The following DNAI4 variants were observed in gnomAD, a reference collection of about 807,000 sequenced individuals.
DNAI4 encodes the protein dynein axonemal intermediate chain 4, also known as WD repeat domain 78.
Under a neutral mutation model 105.8 loss-of-function variants are expected in DNAI4, and 85 were observed. That is an observed-to-expected ratio of 0.80 (90% CI 0.67 to 0.96). DNAI4 has a LOEUF of 0.96. DNAI4 is among the 40% of genes least tolerant of loss of function. The pLI, the probability that DNAI4 is intolerant of heterozygous loss-of-function variation, is 0.00. For synonymous variants in DNAI4, 352 were observed against 331.5 expected (o/e 1.06, Z -0.67); for missense variants, 1,014 against 1,005.6 (o/e 1.01, Z -0.11).
chr1:66,866,519 T>C (rs908137580), intron 6 of DNAI4, among the ~76,000 whole-genome samples: 1 of 152,186 alleles, frequency 6.6e-6, no homozygotes, highest in East Asian at 1.9e-4. Flanking sequence ...AATCCTAGGC[T>C]ATCTAGTCAT....
At chr1:66,873,007 C>A (rs1238624423) in intron 5 of DNAI4, among the ~76,000 whole-genome samples, 1 of 152,138 alleles carries the variant, frequency 6.6e-6, no homozygotes, top group African/African-American at 2.4e-5. Context: ...GCTACCACAC[C>A]CGGCCTGACA....
At chr1:66,855,833 AGTTGTT>A (rs754276878) in intron 7 of DNAI4, among the ~76,000 whole-genome samples, 1 of 151,962 alleles carries the variant, frequency 6.6e-6, no homozygotes, top group African/African-American at 2.4e-5. Flanking sequence ...GGTTTGTTGC[AGTTGTT>A]GTTGTTGTTT....
chr1:66,896,631 T>G (rs1229204417), intron 2 of DNAI4, among the ~76,000 whole-genome samples: 6 of 152,054 alleles, frequency 3.9e-5, no homozygotes, highest in African/African-American at 1.4e-4. Flanking sequence ...AAGGGAGTGG[T>G]TTAGTCATCA....
intron 1 of DNAI4, among the ~76,000 whole-genome samples, chr1:66,921,806 A>T (rs1275023776): frequency 1.3e-5 from 2 of 152,186 alleles, no homozygotes; most frequent in Non-Finnish European, 2.9e-5. Context: ...TGGATACAGT[A>T]GTGAACAAAA....
At position 66,890,864 on chromosome 1, in the gene DNAI4, G is replaced by GA; in HGVS notation, c.643+289dup. Reference sequence around the variant, plus strand: ...AAAGGAAGAGGAAGAAGAAGAGGAAGAGGAAGAAGAAGAAGAAGAAGCAGA... The same window carrying GA: ...AAAGGAAGAGGAAGAAGAAGAGGAAGAAGGAAGAAGAAGAAGAAGAAGCAGA... On this transcript the variant is annotated intron_variant, in intron 4 of 16. Transcript: ENST00000371026. This position sits in a 1 kb window ranked among gnomAD's most constrained non-coding sequence, Gnocchi z 4.1. The GA allele has an allele frequency of 4.6e-6, 2 of 431,522 alleles. No homozygotes were observed. Among genetic ancestry groups the GA allele is most frequent in the African/African-American group, 4.4e-5 (2 of 45,488 alleles). 26.7% of individuals were successfully genotyped at this position (431,522 alleles called of 1,614,324 possible). A position where few individuals can be genotyped will look rare whatever the true frequency, so the allele number is the denominator to read the frequency against.
chr1:66,862,886 T>A (rs993084746), intron 6 of DNAI4, among the ~76,000 whole-genome samples: 4 of 152,232 alleles, frequency 2.6e-5, no homozygotes, highest in Admixed American at 2.6e-4. Context: ...GACTTTTATG[T>A]TCCTTTACTT....
intron 7 of DNAI4, among the ~76,000 whole-genome samples, chr1:66,851,439 C>A (rs942720189): frequency 5.9e-5 from 9 of 151,736 alleles, no homozygotes; most frequent in African/African-American, 2.2e-4. Context: ...TCAACAACAT[C>A]ATCAACTAAA....
chr1:66,879,638 C>T (rs1232579061), intron 4 of DNAI4, among the ~76,000 whole-genome samples: 1 of 152,204 alleles, frequency 6.6e-6, no homozygotes, highest in Non-Finnish European at 1.5e-5. Context: ...TACCATTGTG[C>T]ATCCCCACCA....
chr1:66,869,317 G>T (rs1206274626), intron 6 of DNAI4, among the ~76,000 whole-genome samples: 1 of 151,666 alleles, frequency 6.6e-6, no homozygotes, highest in Non-Finnish European at 1.5e-5. Context: ...ACTTCTTGGG[G>T]AGTGTTGATA....
At chr1:66,900,433 T>C (rs1275171232) in intron 2 of DNAI4, among the ~76,000 whole-genome samples, 3 of 152,166 alleles carry the variant, frequency 2.0e-5, no homozygotes, top group South Asian at 4.1e-4. Flanking sequence ...TGTCAGTTTG[T>C]AGAAAGAAGT....
At chr1:66,923,434 T>A (rs908207327) in intron 1 of DNAI4, among the ~76,000 whole-genome samples, 1 of 152,182 alleles carries the variant, frequency 6.6e-6, no homozygotes, top group Non-Finnish European at 1.5e-5. Context: ...TGTATTTAGT[T>A]ATGGTAGTGA....
intron 2 of DNAI4, among the ~76,000 whole-genome samples, chr1:66,897,666 C>A (rs1410706038): frequency 1.3e-5 from 2 of 152,140 alleles, no homozygotes; most frequent in African/African-American, 2.4e-5. Context: ...GTCAGCCACC[C>A]CAGCTGTGGC....
Position 66,924,688 on chromosome 1 carries a change from G to A in DNAI4, c.144C>T (p.Gly48=). The part of the protein sequence containing the change: ...LVATMPVSPA[G]SHKQQNFGLN... ...ACCCGAAGTTCTGCTGCTTGTGACT[G>A]CCTGCCGGAGAGACTGGCATGGTGG... Residue 48 remains glycine (G), a synonymous_variant, in exon 1 of 17, where the codon GGC becomes GGT. Transcript: ENST00000371026. The A allele has an allele frequency of 6.2e-7, 1 of 1,614,238 alleles. No individual in the cohort carries two copies. The highest frequency in any genetic ancestry group is 8.5e-7 in the Non-Finnish European group (1 of 1,180,054).
intron 2 of DNAI4, 109 bp from the exon 3 acceptor site, chr1:66,893,522 C>G: frequency 1.5e-6 from 1 of 675,300 alleles, no homozygotes; most frequent in Non-Finnish European, 2.2e-6. Context: ...TAGTATAATG[C>G]TCCTATAATA....
chr1:66,897,993 C>A (rs976097340), intron 2 of DNAI4, among the ~76,000 whole-genome samples: 1 of 152,166 alleles, frequency 6.6e-6, no homozygotes, highest in African/African-American at 2.4e-5. Flanking sequence ...ATACTGTAGA[C>A]TGACCCCAGC....
intron 1 of DNAI4, among the ~76,000 whole-genome samples, chr1:66,912,458 C>T (rs530682057): frequency 6.6e-6 from 1 of 151,494 alleles, no homozygotes; most frequent in Non-Finnish European, 1.5e-5. Flanking sequence ...CGACAGAGTG[C>T]GACTGTGTCT....
At chr1:66,837,685 T>C in intron 10 of DNAI4, 25 bp downstream of exon 10, 2 of 1,590,720 alleles carry the variant, frequency 1.3e-6, no homozygotes, top group Non-Finnish European at 1.7e-6. Flanking sequence ...CAGATAAAAA[T>C]GCTTCTTATT....
chr1:66,856,079 G>A (rs1303489990), intron 7 of DNAI4, among the ~76,000 whole-genome samples: 1 of 151,790 alleles, frequency 6.6e-6, no homozygotes, highest in Non-Finnish European at 1.5e-5. Flanking sequence ...CAGGTGATCC[G>A]CCTGTCTCGG....
intron 13 of DNAI4, among the ~76,000 whole-genome samples, chr1:66,832,944 C>A: frequency 6.6e-6 from 1 of 152,032 alleles, no homozygotes. Context: ...AGAGTCACCA[C>A]GTGAATTGAA....
Sources: allele counts gnomAD v4.1 joint callset (sites outside exome capture counted in the v4.1 genomes callset), GRCh38; gene constraint gnomAD v4.1.1; non-coding constraint Gnocchi (gnomAD v3.1); transcripts MANE v1.5; gene names NCBI Gene and HGNC (gene_info 2026-07-23, HGNC 2026-07-21).